The following HPSE2 variants were observed in gnomAD, a reference collection of about 807,000 sequenced individuals.
HPSE2 encodes the protein inactive heparanase-2.
In HPSE2, 38 loss-of-function variants were observed where a neutral mutation model predicts 60.5. The ratio of observed to expected loss-of-function variants is 0.63; its 90% CI spans 0.48 to 0.82. The LOEUF (loss-of-function observed/expected upper bound fraction) is 0.82, where lower values mean the gene tolerates loss of function less well. Ranked by LOEUF, HPSE2 falls within the 40% of genes least tolerant of loss-of-function variation. The pLI is 0.00. For missense variants in HPSE2, 713 were observed against 740.4 expected, an observed-to-expected ratio of 0.96 and a Z score of 0.43; for synonymous variants, 295 against 293.2, an observed-to-expected ratio of 1.01 and a Z score of -0.06.
intron 9 of HPSE2, among the ~76,000 whole-genome samples, chr10:98,597,746 C>T (rs754668876): frequency 6.6e-6 from 1 of 151,350 alleles, no homozygotes; most frequent in Non-Finnish European, 1.5e-5. Context: ...GAGGCTGAGG[C>T]AGGCATTTGA....
intron 9 of HPSE2, among the ~76,000 whole-genome samples, chr10:98,524,914 C>T (rs958296767): frequency 1.6e-4 from 24 of 152,238 alleles, no homozygotes; most frequent in African/African-American, 4.1e-4. Flanking sequence ...CTTTTCTTTA[C>T]GTAGAACAAT....
chr10:99,130,871 G>A (rs1426633212), intron 3 of HPSE2, among the ~76,000 whole-genome samples: 1 of 152,092 alleles, frequency 6.6e-6, no homozygotes, highest in Non-Finnish European at 1.5e-5. Context: ...GAGTCAGCTT[G>A]CACAAGTTAA....
intron 5 of HPSE2, among the ~76,000 whole-genome samples, chr10:98,697,941 T>A (rs1344128784): frequency 6.6e-6 from 1 of 150,710 alleles, no homozygotes; most frequent in African/African-American, 2.4e-5. Context: ...AAGAGCTAAC[T>A]ATCCTAAATA....
At chr10:99,277,435 G>A in the HPSE2 span, among the ~76,000 whole-genome samples, 19 of 152,180 alleles carry the variant, frequency 1.2e-4, no homozygotes, top group Admixed American at 4.6e-4. Context: ...AAGTAAAGCT[G>A]TTCAACAAAG....
chr10:98,760,147 T>C (rs2134384000), intron 3 of HPSE2, among the ~76,000 whole-genome samples: 1 of 152,218 alleles, frequency 6.6e-6, no homozygotes, highest in Non-Finnish European at 1.5e-5. Context: ...CAACCTGTAC[T>C]GAATTCATTT....
intron 9 of HPSE2, among the ~76,000 whole-genome samples, chr10:98,520,305 TG>T (rs1942746376): frequency 6.6e-6 from 1 of 152,232 alleles, no homozygotes; most frequent in South Asian, 2.1e-4. Flanking sequence ...GGAAAAGAAA[TG>T]CTGGCTGCAG....
chr10:98,726,186 G>A (rs188774502), intron 4 of HPSE2, among the ~76,000 whole-genome samples: 15 of 152,156 alleles, frequency 9.9e-5, no homozygotes, highest in Admixed American at 2.0e-4. Flanking sequence ...ACATGCACAC[G>A]TATGTTTATT....
At chr10:98,817,630 T>C (rs761828430) in intron 3 of HPSE2, among the ~76,000 whole-genome samples, 4 of 152,176 alleles carry the variant, frequency 2.6e-5, no homozygotes, top group African/African-American at 4.8e-5. Context: ...CACTCTCCTA[T>C]TTCTGCTCTC....
chr10:98,976,736 G>GAA (rs63223461), intron 3 of HPSE2, among the ~76,000 whole-genome samples: 22,275 of 137,794 alleles, frequency 0.16, 2,515 homozygotes, highest in African/African-American at 0.33. Flanking sequence ...CGTGGTAAGC[G>GAA]AAAAAAAAAA....
intron 11 of HPSE2, among the ~76,000 whole-genome samples, chr10:98,461,498 C>G (rs1940288114): frequency 1.3e-5 from 2 of 152,244 alleles, no homozygotes; most frequent in Admixed American, 6.5e-5. Context: ...GTAGTGAAGA[C>G]AGCCTACTCA....
At position 99,235,101 on chromosome 10, in the gene HPSE2, T is replaced by TACACACACAC. The variant is rs10630273; in HGVS notation, c.290+402_290+411dup. On this transcript the variant is annotated intron_variant, in intron 1 of 11. Coordinates refer to ENST00000370552, the MANE Select transcript of HPSE2 (RefSeq NM_021828.5). ...CACACACACACTCTCCTGTCTCACA[T>TACACACACAC]ACACACACACACACACACACACACA... Among the ~76,000 whole-genome samples the TACACACACAC allele has an allele frequency of 5.2e-3, 773 of 147,590 alleles. 5 individuals carry two copies. Among genetic ancestry groups the TACACACACAC allele is most frequent in the South Asian group, 8.8e-3 (41 of 4,642 alleles).
At chr10:98,876,019 CTT>C (rs1178910014) in intron 3 of HPSE2, among the ~76,000 whole-genome samples, 6 of 151,828 alleles carry the variant, frequency 4.0e-5, no homozygotes, top group African/African-American at 1.4e-4. Flanking sequence ...TTCTGTGTCT[CTT>C]TGCTGTCATT....
At position 98,630,399 on chromosome 10, in the gene HPSE2, A is replaced by G. The variant is rs143665142; in HGVS notation, c.1099-9691T>C. On this transcript the variant is annotated intron_variant, in intron 7 of 11. Coordinates refer to ENST00000370552, the MANE Select transcript of HPSE2 (RefSeq NM_021828.5). The stretch of plus-strand genomic sequence containing the variant: ...TTTTTAGTAGAGACGGTGTTTCACC[A>G]TGTTAGCCAAGATGGTCTCGATCTC... Among the ~76,000 whole-genome samples, 407 of 152,054 alleles carry G rather than the reference A, an allele frequency of 2.7e-3. 1 individual carries two copies. The highest frequency in any genetic ancestry group is 4.2e-3 in the Non-Finnish European group (285 of 67,968).
At chr10:98,952,298 G>A (rs1037529527) in intron 3 of HPSE2, among the ~76,000 whole-genome samples, 4 of 147,986 alleles carry the variant, frequency 2.7e-5, no homozygotes, top group Admixed American at 1.4e-4. Context: ...AGGATTCCCC[G>A]CTCAAAAGAA....
intron 9 of HPSE2, among the ~76,000 whole-genome samples, chr10:98,609,494 A>C (rs1215042517): frequency 6.6e-6 from 1 of 152,222 alleles, no homozygotes; most frequent in Non-Finnish European, 1.5e-5. Flanking sequence ...TTTTCCATAC[A>C]AAAAATTCAC....
At chr10:99,309,629 T>C in the HPSE2 span, among the ~76,000 whole-genome samples, 3 of 152,228 alleles carry the variant, frequency 2.0e-5, no homozygotes, top group Non-Finnish European at 2.9e-5. Flanking sequence ...CATTCATTTA[T>C]GTACTGTCTA....
chr10:99,261,309 C>T, the HPSE2 span, among the ~76,000 whole-genome samples: 15 of 152,260 alleles, frequency 9.9e-5, no homozygotes, highest in East Asian at 3.9e-4. Flanking sequence ...GCCTCTGCTC[C>T]GCCACCCTAT....
intron 9 of HPSE2, among the ~76,000 whole-genome samples, chr10:98,501,010 C>A (rs1942012303): frequency 6.6e-6 from 1 of 151,862 alleles, no homozygotes; most frequent in African/African-American, 2.4e-5. Flanking sequence ...ATTTGATACC[C>A]TGAAGAGACC....
At chr10:99,018,513 CA>C (rs1282404398) in intron 3 of HPSE2, among the ~76,000 whole-genome samples, 1 of 152,142 alleles carries the variant, frequency 6.6e-6, no homozygotes, top group Non-Finnish European at 1.5e-5. Context: ...TGGTTCTATC[CA>C]GCATCCTGAG....
Sources: gnomAD v4.1 joint callset for allele counts (sites outside exome capture counted in the v4.1 genomes callset) on GRCh38, gnomAD v4.1.1 for gene constraint, MANE v1.5 for transcripts, NCBI Gene and HGNC (gene_info 2026-07-23, HGNC 2026-07-21) for gene names.